The following BRWD1 variants were observed in gnomAD, a reference collection of about 807,000 sequenced individuals.
The protein encoded by BRWD1 is bromodomain and WD repeat-containing protein 1.
BRWD1 carries 82 observed loss-of-function variants against 251.2 expected under a neutral mutation model. The ratio of observed to expected loss-of-function variants is 0.33; its 90% CI spans 0.27 to 0.39. The LOEUF is 0.39. BRWD1 is among the 10% of genes least tolerant of loss of function. The probability of loss-of-function intolerance (pLI) is 1.00; values close to 1 mark genes in which losing one functional copy is unlikely to be tolerated. For synonymous variants in BRWD1, 918 were observed against 902.8 expected (o/e 1.02, Z -0.30); for missense variants, 2,233 against 2,711.6 (o/e 0.82, Z 3.92).
At chr21:39,222,579 A>T (rs1306707602) in intron 29 of BRWD1, among the ~76,000 whole-genome samples, 2 of 152,244 alleles carry the variant, frequency 1.3e-5, no homozygotes, top group African/African-American at 4.8e-5. Context: ...AGGTAGCAAC[A>T]AAATAATGAC....
chr21:39,235,251 A>T (rs1480827298), intron 23 of BRWD1: 1 of 152,254 alleles, frequency 6.6e-6, no homozygotes, highest in Non-Finnish European at 1.5e-5. Flanking sequence ...CTCAAAAAAT[A>T]AAAAATAAAT....
intron 37 of BRWD1, among the ~76,000 whole-genome samples, chr21:39,205,366 A>G (rs1202864869): frequency 1.3e-5 from 2 of 152,132 alleles, no homozygotes; most frequent in Non-Finnish European, 2.9e-5. Flanking sequence ...TATCCCAACT[A>G]CTCGGGAAGC....
intron 21 of BRWD1, among the ~76,000 whole-genome samples, chr21:39,241,692 G>A (rs576878431): frequency 6.6e-6 from 1 of 152,072 alleles, no homozygotes; most frequent in South Asian, 2.1e-4. Context: ...TTTTTATCGT[G>A]CTTTACTTTA....
intron 17 of BRWD1, among the ~76,000 whole-genome samples, chr21:39,264,146 G>A (rs187412306): frequency 4.3e-4 from 65 of 152,056 alleles, no homozygotes; most frequent in Admixed American, 7.9e-4. Context: ...AGCTATAAAC[G>A]AACATTACTA....
At chr21:39,265,075 T>A in intron 15 of BRWD1, 56 bp from the exon 16 acceptor site, 1 of 1,562,734 alleles carries the variant, frequency 6.4e-7, no homozygotes, top group Non-Finnish European at 8.7e-7. Context: ...TGATTTGCTA[T>A]GTAAACTTTT....
chr21:39,289,614 T>C (rs1213437368), intron 8 of BRWD1, among the ~76,000 whole-genome samples: 2 of 152,260 alleles, frequency 1.3e-5, no homozygotes, highest in African/African-American at 4.8e-5. Context: ...GCATTTAATA[T>C]ACTTTCATTC....
At chr21:39,197,839 C>T (rs1204352085) in intron 40 of BRWD1, among the ~76,000 whole-genome samples, 3 of 152,170 alleles carry the variant, frequency 2.0e-5, no homozygotes, top group Non-Finnish European at 4.4e-5. Context: ...GCTATGATTA[C>T]TTCACTAAGC....
chr21:39,187,703 A>G lies in BRWD1; in HGVS notation c.*8556T>C. 1 of 984,842 alleles carries G rather than the reference A, an allele frequency of 1.0e-6. No individual in the cohort carries two copies. The allele number at this position is 984,842 out of a possible 1,614,324, so 61.0% of individuals were successfully genotyped here. A position where few individuals can be genotyped will look rare whatever the true frequency, so the allele number is the denominator to read the frequency against. On this transcript the variant is annotated 3_prime_UTR_variant, in exon 41 of 41. Coordinates refer to ENST00000342449, the MANE Select transcript of BRWD1 (RefSeq NM_033656.4). ...ATCATAAAGCTGCTAATCTAAAAACATATATATGAGCATTTTACATAATTT... is the reference window on the plus strand; with the variant it reads ...ATCATAAAGCTGCTAATCTAAAAACGTATATATGAGCATTTTACATAATTT...
At position 39,190,097 on chromosome 21, in the gene BRWD1, T is replaced by TA; in HGVS notation, c.*6161dup. ...ATTTCCCTGGATGACCACTTTAAAT[T>TA]ATAACTCACAGATATGTGTGTATTC... On this transcript the variant is annotated 3_prime_UTR_variant, in exon 41 of 41. Coordinates refer to ENST00000342449, the MANE Select transcript of BRWD1 (RefSeq NM_033656.4). 1 of 985,292 alleles carries TA rather than the reference T, an allele frequency of 1.0e-6. No homozygotes were observed. The highest frequency in any genetic ancestry group is 1.2e-6 in the Non-Finnish European group (1 of 829,808). The allele number at this position is 985,292 out of a possible 1,614,324, so 61.0% of individuals were successfully genotyped here. A position where few individuals can be genotyped will look rare whatever the true frequency, so the allele number is the denominator to read the frequency against.
Position 39,233,502 on chromosome 21 carries a change from A to T in BRWD1, c.2767-1004T>A, listed in dbSNP as rs1041164401. Among the ~76,000 whole-genome samples, 102 of 152,210 alleles carry T rather than the reference A, an allele frequency of 6.7e-4. 3 individuals are homozygous for T. Among genetic ancestry groups the T allele is most frequent in the Non-Finnish European group, 2.9e-5 (2 of 68,038 alleles). ...AATGAAGAGACAAGTATGAAGACAG[A>T]CATGTAAAATGAAAATGGTAAACGT... On this transcript the variant is annotated intron_variant, in intron 23 of 40. Transcript: ENST00000342449.
chr21:39,297,951 T>A, intron 5 of BRWD1: 16 of 985,294 alleles, frequency 1.6e-5, no homozygotes, highest in Non-Finnish European at 1.9e-5. Context: ...AAAATTAAAT[T>A]AGTAAAAAAA....
chr21:39,187,670 G>C lies in BRWD1; in HGVS notation c.*8589C>G. Reference sequence around the variant, plus strand: ...AAGAATGGGGTGAAAAGTTCCTTCAGCATCGGCATCATAAAGCTGCTAATC... The same window carrying C: ...AAGAATGGGGTGAAAAGTTCCTTCACCATCGGCATCATAAAGCTGCTAATC... On this transcript the variant is annotated 3_prime_UTR_variant, in exon 41 of 41. Coordinates refer to ENST00000342449, the MANE Select transcript of BRWD1 (RefSeq NM_033656.4). 1 of 985,316 alleles carries C rather than the reference G, an allele frequency of 1.0e-6. No homozygotes were observed. The highest frequency in any genetic ancestry group is 1.2e-6 in the Non-Finnish European group (1 of 829,876). The allele number at this position is 985,316 out of a possible 1,614,324, so 61.0% of individuals were successfully genotyped here. A position where few individuals can be genotyped will look rare whatever the true frequency, so the allele number is the denominator to read the frequency against.
At position 39,197,074 on chromosome 21, in the gene BRWD1, G is replaced by A. The variant is rs1256557941; in HGVS notation, c.5995C>T (p.Pro1999Ser). ...SEQYACEGKP[P>S]DPDSEGSTKV... ...GTACTACCTTCGGAGTCAGGATCAG[G>A]TGGCTTGCCTTCACAGGCATACTGT... Residue 1999 changes from proline to serine, a missense_variant, in exon 41 of 41, where the codon CCT (proline) becomes TCT (serine). Coordinates refer to ENST00000342449, the MANE Select transcript of BRWD1 (RefSeq NM_033656.4). The A allele has an allele frequency of 1.2e-6, 2 of 1,614,116 alleles. No homozygotes were observed. Among genetic ancestry groups the A allele is most frequent in the South Asian group, 2.2e-5 (2 of 91,082 alleles).
intron 20 of BRWD1, 25 bp downstream of exon 20, chr21:39,250,771 G>A: frequency 7.2e-7 from 1 of 1,390,494 alleles, no homozygotes; most frequent in Non-Finnish European, 9.9e-7. Context: ...TTTCTAATTT[G>A]CTAAGAAAAC....
chr21:39,269,080 C>A (rs1040254809), intron 15 of BRWD1, among the ~76,000 whole-genome samples: 1 of 151,994 alleles, frequency 6.6e-6, no homozygotes. Flanking sequence ...TTCTGGTCTA[C>A]GGAGCAAAAT....
chr21:39,185,235 A>C (rs191234176), downstream of BRWD1: 50 of 148,856 alleles, frequency 3.4e-4, no homozygotes, highest in Admixed American at 2.6e-3. Flanking sequence ...GACAGAAATT[A>C]ACCCCACCAC....
In BRWD1 at chr21:39,191,195, G is replaced by C. The variant is rs1292472554; in HGVS notation, c.*5064C>G. On this transcript the variant is annotated 3_prime_UTR_variant, in exon 41 of 41. Transcript: ENST00000342449. ...ACTACTGGAAAGAAACCAGGCCACAGACAATCCAATGGCAAACCCCTTTTC... is the reference window on the plus strand; with the variant it reads ...ACTACTGGAAAGAAACCAGGCCACACACAATCCAATGGCAAACCCCTTTTC... The C allele has an allele frequency of 2.0e-6, 2 of 985,168 alleles. No individual in the cohort carries two copies. The highest frequency in any genetic ancestry group is 3.5e-5 in the African/African-American group (2 of 57,182). 61.0% of individuals were successfully genotyped at this position (985,168 alleles called of 1,614,324 possible).
intron 19 of BRWD1, among the ~76,000 whole-genome samples, 153 bp from the exon 20 acceptor site, chr21:39,251,042 T>C (rs886997062): frequency 1.3e-5 from 2 of 152,192 alleles, no homozygotes; most frequent in Non-Finnish European, 2.9e-5. Context: ...TAAAAATTTA[T>C]ATGAATATAA....
chr21:39,197,451 G>GT, intron 40 of BRWD1, 36 bp from the exon 41 acceptor site: 1 of 1,471,306 alleles, frequency 6.8e-7, no homozygotes, highest in Non-Finnish European at 9.2e-7. Context: ...TTAATCTTTT[G>GT]TAAGTCTAAA....
Sources: gnomAD v4.1 joint callset for allele counts (sites outside exome capture counted in the v4.1 genomes callset) on GRCh38, gnomAD v4.1.1 for gene constraint, MANE v1.5 for transcripts, NCBI Gene and HGNC (gene_info 2026-07-23, HGNC 2026-07-21) for gene names.